The following CARS2 variants were observed in gnomAD, a reference collection of about 807,000 sequenced individuals.
The protein encoded by CARS2 is cysteinyl-tRNA synthetase 2, mitochondrial, also known as probable cysteine--tRNA ligase, mitochondrial.
Under a neutral mutation model 68.8 loss-of-function variants are expected in CARS2, and 52 were observed. That is an observed-to-expected ratio of 0.76 (90% confidence interval 0.61 to 0.95). The LOEUF (loss-of-function observed/expected upper bound fraction) is 0.95. CARS2 is among the 40% of genes least tolerant of loss of function. The probability of loss-of-function intolerance (pLI) is 0.00; values close to 1 mark genes in which losing one functional copy is unlikely to be tolerated. For missense variants in CARS2, 780 were observed against 754.2 expected (o/e 1.03, Z -0.40); for synonymous variants, 314 against 303.6 (o/e 1.03, Z -0.36).
chr13:110,702,363 A>T (rs923172644), intron 2 of CARS2, among the ~76,000 whole-genome samples: 4 of 152,242 alleles, frequency 2.6e-5, no homozygotes, highest in Non-Finnish European at 5.9e-5. Context: ...CAAGATAATT[A>T]ACCTCTTACA....
At chr13:110,651,163 A>ATATG in intron 9 of CARS2, 63 bp from the exon 10 acceptor site, 1 of 1,128,198 alleles carries the variant, frequency 8.9e-7, no homozygotes, top group South Asian at 1.3e-5. Context: ...TGTTCAGAGA[A>ATATG]TATGTTACTT....
chr13:110,698,323 C>T (rs531277714), intron 3 of CARS2, among the ~76,000 whole-genome samples: 89 of 151,902 alleles, frequency 5.9e-4, no homozygotes, highest in Non-Finnish European at 1.1e-3. Flanking sequence ...AGTTCGAGAC[C>T]AGCCTGGCCA....
chr13:110,687,701 A>G lies in CARS2; in HGVS notation c.571+20T>C, dbSNP rs758019231. On this transcript the variant is annotated intron_variant, in intron 5 of 14. Coordinates refer to ENST00000257347, the MANE Select transcript of CARS2 (RefSeq NM_024537.4). ...CTCAAAAAAAAAAAAAGAAAAAAAA[A>G]AAAAGAACATAAACCCTACCTTTTG... 3.4e-6 allele frequency: 5 copies of G among 1,479,456 alleles called. No homozygotes were observed. The highest frequency in any genetic ancestry group is 4.2e-5 in the Admixed American group (2 of 47,892). The allele number at this position is 1,479,456 out of a possible 1,614,324, so 91.6% of individuals were successfully genotyped here.
At chr13:110,679,608 AG>A (rs2063092566) in intron 6 of CARS2, among the ~76,000 whole-genome samples, 1 of 127,820 alleles carries the variant, frequency 7.8e-6, no homozygotes, top group African/African-American at 3.0e-5. Flanking sequence ...AGAGAGAGAG[AG>A]AGAGAGAGAG....
In CARS2 at chr13:110,705,872, G is replaced by T. The variant is rs2063932693; in HGVS notation, c.222C>A (p.Ser74=). ...PLIVAHAEAA[S]WYSCGPTVYD... ...TGCCCCAGTCCCGCGCGGCCCACCA[G>T]GAGGCGGCTTCGGCGTGCGCCACGA... is the stretch of plus-strand genomic sequence containing the variant. Residue 74 remains serine (S), a splice_region_variant and synonymous_variant, in exon 1 of 15, where the codon TCC becomes TCA. Coordinates refer to ENST00000257347, the MANE Select transcript of CARS2 (RefSeq NM_024537.4). The surrounding 1 kb of genome is among the most constrained non-coding windows in gnomAD (Gnocchi z 4.0). 1 of 1,558,282 alleles carries T rather than the reference G, an allele frequency of 6.4e-7. No individual in the cohort carries two copies. The highest frequency in any genetic ancestry group is 8.7e-7 in the Non-Finnish European group (1 of 1,154,092).
At chr13:110,679,616 AGAGAGAGAGG>A (rs1206087464) in intron 6 of CARS2, among the ~76,000 whole-genome samples, 1 of 128,846 alleles carries the variant, frequency 7.8e-6, no homozygotes, top group African/African-American at 2.9e-5. Flanking sequence ...AGAGAGAGAG[AGAGAGAGAGG>A]GAGGGAGGGA....
At chr13:110,650,090 C>A (rs1247383304) in intron 10 of CARS2, among the ~76,000 whole-genome samples, 1 of 151,698 alleles carries the variant, frequency 6.6e-6, no homozygotes, top group African/African-American at 2.4e-5. Flanking sequence ...GTGCATGCCA[C>A]CAAGCCAATT....
At chr13:110,662,842 G>A (rs765928588) in intron 9 of CARS2, 30 of 363,944 alleles carry the variant, frequency 8.2e-5, no homozygotes, top group Non-Finnish European at 1.4e-4. Flanking sequence ...GTGAGATCTG[G>A]ATACTATTCT....
intron 9 of CARS2, 72 bp downstream of exon 9, chr13:110,663,379 G>T: frequency 1.4e-6 from 2 of 1,461,956 alleles, no homozygotes; most frequent in South Asian, 2.6e-5. Context: ...GTTCTCAAAT[G>T]ACACAGAAGC....
chr13:110,642,921 G>T, intron 13 of CARS2: 1 of 407,680 alleles, frequency 2.5e-6, no homozygotes, highest in Non-Finnish European at 4.7e-6. Flanking sequence ...CGTGTGTTTC[G>T]GCAAATGGTC....
At chr13:110,660,727 C>T (rs886224997) in intron 9 of CARS2, among the ~76,000 whole-genome samples, 6 of 150,816 alleles carry the variant, frequency 4.0e-5, no homozygotes, top group South Asian at 2.1e-4. Flanking sequence ...TGATATTCCA[C>T]GTATACAGCA....
At position 110,652,160 on chromosome 13, in the gene CARS2, C is replaced by T. The variant is rs143344023; in HGVS notation, c.988-1060G>A. Among the ~76,000 whole-genome samples, 4 of 152,380 alleles carry T rather than the reference C, an allele frequency of 2.6e-5. No homozygotes were observed. In the East Asian group the frequency reaches 5.8e-4, roughly 22 times the overall value. ...GTGAGAATTGCGTTTCCGTCTCCCT[C>T]GGGTAAACCCGATACCCTCTTCTCT... On this transcript the variant is annotated intron_variant, in intron 9 of 14. Transcript: ENST00000257347.
chr13:110,654,416 G>A (rs757687994), intron 9 of CARS2, among the ~76,000 whole-genome samples: 1 of 152,152 alleles, frequency 6.6e-6, no homozygotes, highest in African/African-American at 2.4e-5. Flanking sequence ...GGCGGGAAAG[G>A]GTCTTATGCT....
At chr13:110,710,002 GA>G (rs1367832846), upstream of CARS2, among the ~76,000 whole-genome samples, 12 of 152,178 alleles carry the variant, frequency 7.9e-5, no homozygotes, top group African/African-American at 2.9e-4. Flanking sequence ...AAGTAGAGTT[GA>G]TTACGGTAGC....
Position 110,653,678 on chromosome 13 carries a change from C to A in CARS2, c.988-2578G>T, listed in dbSNP as rs1053397242. Among the ~76,000 whole-genome samples the A allele has an allele frequency of 1.3e-5, 2 of 152,170 alleles. No individual in the cohort carries two copies. Among genetic ancestry groups the A allele is most frequent in the Non-Finnish European group, 2.9e-5 (2 of 68,030 alleles). On this transcript the variant is annotated intron_variant, in intron 9 of 14. Transcript: ENST00000257347. The surrounding 1 kb of genome is among the most constrained non-coding windows in gnomAD (Gnocchi z 5.6). ...TAAAGGCTTATCTTCCCTGCTCTTGCGGGGGCGGGCGCTACTGCAGCGAGC... is the reference window on the plus strand; with the variant it reads ...TAAAGGCTTATCTTCCCTGCTCTTGAGGGGGCGGGCGCTACTGCAGCGAGC...
chr13:110,698,518 C>T (rs536636286), intron 3 of CARS2, among the ~76,000 whole-genome samples: 2 of 148,400 alleles, frequency 1.3e-5, no homozygotes, highest in African/African-American at 5.0e-5. Context: ...GAAATTCTGT[C>T]TCAAAAAAAA....
chr13:110,657,995 G>A (rs911450450), intron 9 of CARS2, among the ~76,000 whole-genome samples: 36 of 152,118 alleles, frequency 2.4e-4, no homozygotes, highest in African/African-American at 8.0e-4. Flanking sequence ...CTCACTTCCC[G>A]TGAAACGAAC....
At chr13:110,645,707 A>G (rs1324503629) in intron 12 of CARS2, 2 of 436,354 alleles carry the variant, frequency 4.6e-6, no homozygotes, top group Non-Finnish European at 8.1e-6. Flanking sequence ...CCTGAGGATC[A>G]AGCACACAGA....
At chr13:110,669,939 C>T (rs1031725190) in intron 7 of CARS2, among the ~76,000 whole-genome samples, 5 of 152,322 alleles carry the variant, frequency 3.3e-5, no homozygotes, top group Non-Finnish European at 4.4e-5. Context: ...GAGGGTCCCA[C>T]GCCCACGGAG....
Sources: gnomAD v4.1 joint callset for allele counts (sites outside exome capture counted in the v4.1 genomes callset) on GRCh38, gnomAD v4.1.1 for gene constraint, Gnocchi (gnomAD v3.1) non-coding constraint, MANE v1.5 for transcripts, NCBI Gene and HGNC (gene_info 2026-07-23, HGNC 2026-07-21) for gene names.